Variants in DNASE1 observed in about 807,000 individuals in gnomAD.
The protein encoded by DNASE1 is deoxyribonuclease-1.
A neutral mutation model predicts 33.9 loss-of-function variants in DNASE1; 40 were observed. That is an observed-to-expected ratio of 1.18 (90% confidence interval 0.92 to 1.54). DNASE1 has a LOEUF of 1.54. Ranked by LOEUF, DNASE1 falls within the 40% of genes most tolerant of loss-of-function variation. The pLI is 0.00. For missense variants in DNASE1, 518 were observed against 372.6 expected (o/e 1.39, Z -3.21); for synonymous variants, 216 against 160.0 (o/e 1.35, Z -2.64).
At chr16:3,647,135 A>C (rs1409648946) in intron 1 of DNASE1, among the ~76,000 whole-genome samples, 1 of 151,778 alleles carries the variant, frequency 6.6e-6, no homozygotes, top group Non-Finnish European at 1.5e-5. Flanking sequence ...CTGGGCATTT[A>C]ATTTTTTGTG....
At chr16:3,612,386 G>A (rs1378168756) in intron 1 of DNASE1, among the ~76,000 whole-genome samples, 1 of 151,930 alleles carries the variant, frequency 6.6e-6, no homozygotes, top group Admixed American at 6.6e-5. Context: ...AAGTAGCTGG[G>A]ATTACAGGCG....
chr16:3,655,475 G>A lies in DNASE1; in HGVS notation c.102G>A (p.Gly34=), dbSNP rs2042540658. The A allele has an allele frequency of 1.9e-6, 3 of 1,614,042 alleles. No individual in the cohort carries two copies. The highest frequency in any genetic ancestry group is 8.5e-7 in the Non-Finnish European group (1 of 1,180,044). ...CAGCCTTCAACATCCAGACATTTGG[G>A]GAGACCAAGATGTCCAATGCCACCC... ...KIAAFNIQTF[G]ETKMSNATLV... is the part of the protein sequence containing the mutation. The change falls in exon 2 of 9, where the codon GGG becomes GGA. Residue 34 remains glycine, a synonymous_variant. Coordinates refer to ENST00000246949, the MANE Select transcript of DNASE1 (RefSeq NM_005223.4).
chr16:3,646,795 A>G (rs1227676167), intron 1 of DNASE1, among the ~76,000 whole-genome samples: 1 of 152,074 alleles, frequency 6.6e-6, no homozygotes, highest in East Asian at 1.9e-4. Context: ...GACGGGTGGT[A>G]TGGAGGCTGC....
intron 1 of DNASE1, among the ~76,000 whole-genome samples, chr16:3,615,631 T>C (rs1337779365): frequency 6.6e-6 from 1 of 152,226 alleles, no homozygotes; most frequent in African/African-American, 2.4e-5. Flanking sequence ...TTGGTAAACC[T>C]TACAGGGTTT....
intron 1 of DNASE1, among the ~76,000 whole-genome samples, chr16:3,649,663 T>C (rs1448560498): frequency 6.6e-6 from 1 of 152,190 alleles, no homozygotes; most frequent in Non-Finnish European, 1.5e-5. Context: ...TTGATTAAGG[T>C]TCAATAATTA....
chr16:3,612,310 GCGCGAT>G (rs1405306804), intron 1 of DNASE1, among the ~76,000 whole-genome samples: 1 of 151,734 alleles, frequency 6.6e-6, no homozygotes, highest in Non-Finnish European at 1.5e-5. Context: ...GGGTGCAGTG[GCGCGAT>G]CTCGGCTCAC....
intron 1 of DNASE1, among the ~76,000 whole-genome samples, chr16:3,617,795 A>T (rs11504711): frequency 1.4e-4 from 21 of 152,172 alleles, no homozygotes; most frequent in East Asian, 3.9e-4. Context: ...AAATTTTTTT[A>T]AAAAAAGAAA....
chr16:3,654,758 G>A lies in DNASE1; in HGVS notation c.-288G>A, dbSNP rs566558893. On this transcript the variant is annotated 5_prime_UTR_variant, in exon 1 of 9. Transcript: ENST00000246949. The stretch of plus-strand genomic sequence containing the variant: ...ACACGTGCTAGCAACCCACCTATGC[G>A]GAAAGCCACACAGAGCCATTGTTTT... 9 of 399,702 alleles carry A rather than the reference G, an allele frequency of 2.3e-5. No individual in the cohort carries two copies. Among genetic ancestry groups the A allele is most frequent in the East Asian group, 7.1e-5 (2 of 28,106 alleles). 24.8% of individuals were successfully genotyped at this position (399,702 alleles called of 1,614,324 possible). A position where few individuals can be genotyped will look rare whatever the true frequency, so the allele number is the denominator to read the frequency against.
At chr16:3,654,145 A>T, upstream of DNASE1, 1 of 385,032 alleles carries the variant, frequency 2.6e-6, no homozygotes, top group Non-Finnish European at 4.6e-6. Context: ...AAGAACCAAG[A>T]AATTACTGGA....
At chr16:3,615,270 G>A (rs534967885) in intron 1 of DNASE1, among the ~76,000 whole-genome samples, 2 of 152,276 alleles carry the variant, frequency 1.3e-5, no homozygotes, top group African/African-American at 4.8e-5. Context: ...TGGTGCATGG[G>A]ATTTCCAATT....
chr16:3,654,903 C>T lies in DNASE1; in HGVS notation c.-143C>T. 1 of 447,842 alleles carries T rather than the reference C, an allele frequency of 2.2e-6. No homozygotes were observed. Among genetic ancestry groups the T allele is most frequent in the Non-Finnish European group, 3.9e-6 (1 of 256,226 alleles). The allele number at this position is 447,842 out of a possible 1,614,324, so 27.7% of individuals were successfully genotyped here. ...CCGGAGCCCAGCAGCACTGCCAGGG[C>T]CTTGAAGTGCTTCTTCAGAGACCTT... On this transcript the variant is annotated 5_prime_UTR_variant, in exon 1 of 9. Transcript: ENST00000246949.
chr16:3,658,471 C>T, downstream of DNASE1: 1 of 581,386 alleles, frequency 1.7e-6, no homozygotes, highest in South Asian at 2.1e-5. Context: ...CTCACGAGGT[C>T]AGGAGATTGA....
At chr16:3,663,282 G>C (rs574408224) in exon 10 of DNASE1, 1 of 1,090,934 alleles carries the variant, frequency 9.2e-7, no homozygotes, top group South Asian at 1.6e-5. Flanking sequence ...CCAGTCACCA[G>C]GGTGCTCCCA....
At chr16:3,628,216 T>A (rs2041582314) in intron 1 of DNASE1, among the ~76,000 whole-genome samples, 1 of 152,144 alleles carries the variant, frequency 6.6e-6, no homozygotes, top group African/African-American at 2.4e-5. Flanking sequence ...GTGGAATTGT[T>A]TTTATAATTT....
exon 10 of DNASE1, chr16:3,663,478 T>C (rs2050739085): frequency 3.1e-6 from 5 of 1,613,956 alleles, no homozygotes; most frequent in Non-Finnish European, 4.2e-6. Context: ...ACTATGTCCG[T>C]CTCCACAGAG....
chr16:3,613,155 C>A (rs1392961120), intron 1 of DNASE1, among the ~76,000 whole-genome samples: 1 of 152,086 alleles, frequency 6.6e-6, no homozygotes, highest in Admixed American at 6.5e-5. Flanking sequence ...GACCCCATCC[C>A]CTGGCAATCA....
Position 3,657,061 on chromosome 16 carries a change from G to A in DNASE1, c.499G>A (p.Asp167Asn), listed in dbSNP as rs139424576. ...AAPGDAVAEI[D>N]ALYDVYLDVQ... ...CCCGGGGGACGCAGTAGCCGAGATC[G>A]ACGCTCTCTATGACGTCTACCTGGA... The change falls in exon 6 of 9, where the codon GAC (aspartate) becomes AAC (asparagine). Residue 167 changes from aspartate to asparagine, a missense_variant. By Grantham distance (23) the Asp-to-Asn change is conservative. Coordinates refer to ENST00000246949, the MANE Select transcript of DNASE1 (RefSeq NM_005223.4). 6.1e-5 allele frequency: 99 copies of A among 1,613,712 alleles called. No individual in the cohort carries two copies. Among genetic ancestry groups the A allele is most frequent in the Non-Finnish European group, 8.3e-5 (98 of 1,179,968 alleles).
downstream of DNASE1, chr16:3,662,256 T>A: frequency 8.4e-7 from 1 of 1,189,476 alleles, no homozygotes; most frequent in Non-Finnish European, 1.2e-6. Flanking sequence ...AGGACTCCCC[T>A]GGACCAGCGC....
intron 1 of DNASE1, among the ~76,000 whole-genome samples, chr16:3,620,609 T>G (rs2041272860): frequency 6.6e-6 from 1 of 152,158 alleles, no homozygotes; most frequent in Non-Finnish European, 1.5e-5. Flanking sequence ...TATTCCATAT[T>G]TAATCAAACA....
Sources: gnomAD v4.1 joint callset for allele counts (sites outside exome capture counted in the v4.1 genomes callset) on GRCh38, gnomAD v4.1.1 for gene constraint, MANE v1.5 for transcripts, NCBI Gene and HGNC (gene_info 2026-07-23, HGNC 2026-07-21) for gene names.